The following KLRG1 variants were observed in gnomAD, a reference collection of about 807,000 sequenced individuals.
The protein encoded by KLRG1 is killer cell lectin like receptor G1, also known as killer cell lectin-like receptor subfamily G member 1.
A neutral mutation model predicts 21.8 loss-of-function variants in KLRG1; 16 were observed. The ratio of observed to expected loss-of-function variants is 0.73; its 90% CI spans 0.50 to 1.11. The LOEUF (loss-of-function observed/expected upper bound fraction) is 1.11, where lower values mean the gene tolerates loss of function less well. Ranked by LOEUF, KLRG1 falls within the 50% of genes most tolerant of loss-of-function variation. The pLI, the probability that KLRG1 is intolerant of heterozygous loss-of-function variation, is 0.00. For missense variants in KLRG1, 173 were observed against 218.3 expected (o/e 0.79, Z 1.31); for synonymous variants, 69 against 75.9 (o/e 0.91, Z 0.47).
chr12:8,971,494 TA>T (rs1438907248), intron 1 of KLRG1, among the ~76,000 whole-genome samples: 1 of 152,154 alleles, frequency 6.6e-6, no homozygotes, highest in African/African-American at 2.4e-5. Flanking sequence ...TTTATTTATT[TA>T]TTTTTTTTGA....
the KLRG1 span, chr12:9,072,537 T>C: frequency 3.0e-4 from 488 of 1,602,382 alleles, 5 homozygotes; most frequent in South Asian, 5.1e-3. Context: ...CCAGAATTCC[T>C]GTCCACGTCC....
At chr12:9,002,788 A>C (rs1380953042) in intron 3 of KLRG1, among the ~76,000 whole-genome samples, 1 of 151,942 alleles carries the variant, frequency 6.6e-6, no homozygotes, top group Non-Finnish European at 1.5e-5. Flanking sequence ...GCTGGTCTCG[A>C]ACTCCTGGGC....
the KLRG1 span, among the ~76,000 whole-genome samples, chr12:9,196,157 G>A: frequency 5.3e-5 from 8 of 152,196 alleles, no homozygotes; most frequent in South Asian, 1.4e-3. Context: ...TTTAGTATGT[G>A]TCTGTTTGTT....
upstream of KLRG1, among the ~76,000 whole-genome samples, chr12:8,985,344 A>T (rs1000114989): frequency 6.6e-6 from 1 of 152,130 alleles, no homozygotes; most frequent in Non-Finnish European, 1.5e-5. Flanking sequence ...CACTACCACA[A>T]TTATCAACAC....
At chr12:9,196,874 G>C in the KLRG1 span, 2 of 789,596 alleles carry the variant, frequency 2.5e-6, no homozygotes, top group Non-Finnish European at 4.1e-6. Flanking sequence ...GAATCTTGTT[G>C]ACTAAGAACA....
intron 1 of KLRG1, among the ~76,000 whole-genome samples, chr12:8,965,779 T>A (rs768844846): frequency 6.6e-6 from 1 of 152,298 alleles, no homozygotes; most frequent in South Asian, 2.1e-4. Context: ...AATTTATAGA[T>A]TCAATGCCAT....
the KLRG1 span, among the ~76,000 whole-genome samples, chr12:9,126,440 G>A: frequency 6.6e-6 from 1 of 152,138 alleles, no homozygotes; most frequent in Middle Eastern, 3.2e-3. Flanking sequence ...TTTCTTCTGT[G>A]GCTCATTTTA....
downstream of KLRG1, among the ~76,000 whole-genome samples, chr12:9,012,140 G>C (rs987873519): frequency 5.3e-5 from 8 of 152,166 alleles, no homozygotes; most frequent in Non-Finnish European, 2.9e-5. Context: ...ACACCAGCTG[G>C]GTGGCCAAGG....
At chr12:8,969,951 A>G (rs1946539959) in intron 1 of KLRG1, among the ~76,000 whole-genome samples, 1 of 152,148 alleles carries the variant, frequency 6.6e-6, no homozygotes, top group African/African-American at 2.4e-5. Context: ...CCCCATCTCT[A>G]CAAAAAATAC....
chr12:9,055,667 A>G, the KLRG1 span: 1 of 152,676 alleles, frequency 6.5e-6, no homozygotes, highest in Non-Finnish European at 1.5e-5. Flanking sequence ...CCTTTTAAAA[A>G]GTCGTGGGTC....
chr12:9,180,971 C>T, the KLRG1 span: 1 of 1,610,084 alleles, frequency 6.2e-7, no homozygotes, highest in South Asian at 1.1e-5. Flanking sequence ...CCCAAGGCCA[C>T]TGGAAACTCA....
the KLRG1 span, chr12:9,201,096 T>A: frequency 3.7e-6 from 6 of 1,608,812 alleles, no homozygotes; most frequent in Non-Finnish European, 5.1e-6. Context: ...GGTAATCATT[T>A]AGTCACAATA....
At chr12:9,000,040 C>T (rs957237679) in intron 3 of KLRG1, among the ~76,000 whole-genome samples, 6 of 151,976 alleles carry the variant, frequency 3.9e-5, no homozygotes, top group African/African-American at 1.4e-4. Flanking sequence ...GTCTCAAAAA[C>T]ACAAAAAACT....
the KLRG1 span, chr12:9,202,327 T>C: frequency 1.5e-5 from 25 of 1,613,864 alleles, no homozygotes; most frequent in South Asian, 2.5e-4. Flanking sequence ...ACCAGTTCAT[T>C]TCGAGGGCGA....
intron 1 of KLRG1, among the ~76,000 whole-genome samples, chr12:8,991,722 T>G (rs989959889): frequency 2.0e-5 from 3 of 152,238 alleles, no homozygotes; most frequent in African/African-American, 7.2e-5. Flanking sequence ...AAAATGTATT[T>G]GACTGGCCTT....
chr12:9,081,071 A>G, the KLRG1 span, among the ~76,000 whole-genome samples: 4 of 152,182 alleles, frequency 2.6e-5, no homozygotes, highest in Non-Finnish European at 5.9e-5. Flanking sequence ...GTAAAAAAAC[A>G]GATGCCATAA....
At chr12:9,172,169 G>A in the KLRG1 span, among the ~76,000 whole-genome samples, 2 of 152,180 alleles carry the variant, frequency 1.3e-5, no homozygotes, top group Non-Finnish European at 2.9e-5. Flanking sequence ...GAAGCCAGAA[G>A]AAATTGGGGG....
At chr12:8,984,836 A>G (rs1317474930), upstream of KLRG1, among the ~76,000 whole-genome samples, 1 of 152,182 alleles carries the variant, frequency 6.6e-6, no homozygotes, top group Admixed American at 6.5e-5. Context: ...ATTGTATGCT[A>G]GATATTAAAT....
the KLRG1 span, among the ~76,000 whole-genome samples, chr12:9,138,864 G>A: frequency 6.7e-6 from 1 of 149,870 alleles, no homozygotes; most frequent in Non-Finnish European, 1.5e-5. Flanking sequence ...TCTAAATAAG[G>A]GTGTGTTAAT....
Sources: gnomAD v4.1 joint callset for allele counts (sites outside exome capture counted in the v4.1 genomes callset) on GRCh38, gnomAD v4.1.1 for gene constraint, MANE v1.5 for transcripts, NCBI Gene and HGNC (gene_info 2026-07-23, HGNC 2026-07-21) for gene names.